Variants in KIAA0825 observed in about 807,000 individuals in gnomAD.
KIAA0825 encodes KIAA0825.
Under a neutral mutation model 147.6 loss-of-function variants are expected in KIAA0825, and 119 were observed. The ratio of observed to expected loss-of-function variants is 0.81; its 90% confidence interval spans 0.69 to 0.94. The LOEUF (loss-of-function observed/expected upper bound fraction) is 0.94. Ranked by LOEUF, KIAA0825 falls within the 40% of genes least tolerant of loss-of-function variation. The probability of loss-of-function intolerance (pLI) is 0.00; values close to 1 mark genes in which losing one functional copy is unlikely to be tolerated. For missense variants in KIAA0825, 1,381 were observed against 1,472.7 expected (o/e 0.94, Z 1.02); for synonymous variants, 470 against 518.1 (o/e 0.91, Z 1.26).
intron 20 of KIAA0825, among the ~76,000 whole-genome samples, chr5:94,356,537 G>A (rs1054152834): frequency 1.2e-4 from 18 of 150,972 alleles, no homozygotes; most frequent in African/African-American, 4.4e-4. Flanking sequence ...GCGTGCACCC[G>A]GGAGGCGGAC....
At chr5:94,520,941 A>C in intron 4 of KIAA0825, 24 bp from the exon 5 acceptor site, 1 of 1,499,756 alleles carries the variant, frequency 6.7e-7, no homozygotes, top group Non-Finnish European at 9.0e-7. Context: ...AACATTAGAA[A>C]TGTGATTAAG....
intron 18 of KIAA0825, among the ~76,000 whole-genome samples, chr5:94,387,020 T>C (rs974676188): frequency 1.3e-5 from 2 of 152,186 alleles, no homozygotes; most frequent in Admixed American, 6.5e-5. Flanking sequence ...TCTACAACAT[T>C]ATACCTCATT....
chr5:94,236,299 T>C lies in KIAA0825; in HGVS notation c.3711-82175A>G, dbSNP rs138276070. 1.5e-3 allele frequency among the ~76,000 whole-genome samples: 230 copies of C among 152,294 alleles called. 1 individual carries two copies. Among genetic ancestry groups the C allele is most frequent in the African/African-American group, 5.2e-3 (217 of 41,562 alleles). ...AAGTTGATTCCAACTCTTTGAGATGTTTAGGACTTCAGTGGAGGAAGTAAC... is the reference window on the plus strand; with the variant it reads ...AAGTTGATTCCAACTCTTTGAGATGCTTAGGACTTCAGTGGAGGAAGTAAC... On this transcript the variant is annotated intron_variant, in intron 20 of 20. Coordinates refer to ENST00000682413, the MANE Select transcript of KIAA0825 (RefSeq NM_001145678.3).
At chr5:94,159,374 ATTG>A (rs1767335468) in intron 20 of KIAA0825, among the ~76,000 whole-genome samples, 2 of 152,248 alleles carry the variant, frequency 1.3e-5, no homozygotes, top group African/African-American at 4.8e-5. Flanking sequence ...ATCTCAATGC[ATTG>A]TTGTAAATAG....
At chr5:94,289,925 A>T (rs1278148798) in intron 20 of KIAA0825, among the ~76,000 whole-genome samples, 1 of 136,402 alleles carries the variant, frequency 7.3e-6, no homozygotes, top group African/African-American at 2.8e-5. Context: ...TGTGTGCTGT[A>T]AAAAAAAAAA....
intron 20 of KIAA0825, among the ~76,000 whole-genome samples, chr5:94,178,389 A>C (rs1458562058): frequency 1.3e-5 from 2 of 151,888 alleles, no homozygotes; most frequent in Admixed American, 6.6e-5. Context: ...TTTTAATGAG[A>C]GTTCTGGCTT....
chr5:94,573,306 T>C (rs1780337855), intron 2 of KIAA0825, among the ~76,000 whole-genome samples: 2 of 145,526 alleles, frequency 1.4e-5, no homozygotes, highest in Non-Finnish European at 3.0e-5. Context: ...AGTCTCACTC[T>C]GTCATCCAGG....
chr5:94,565,359 T>C (rs1304182042), intron 2 of KIAA0825, among the ~76,000 whole-genome samples: 1 of 151,420 alleles, frequency 6.6e-6, no homozygotes, highest in African/African-American at 2.4e-5. Context: ...TTTTTTTTTT[T>C]TGAGACAGAA....
At chr5:94,518,963 A>G (rs1273379442) in intron 5 of KIAA0825, among the ~76,000 whole-genome samples, 2 of 151,882 alleles carry the variant, frequency 1.3e-5, no homozygotes, top group Non-Finnish European at 2.9e-5. Flanking sequence ...TTTTTTTTTC[A>G]GAGAATATAA....
intron 19 of KIAA0825, 100 bp from the exon 20 acceptor site, chr5:94,384,558 G>T: frequency 1.1e-6 from 1 of 910,776 alleles, no homozygotes; most frequent in East Asian, 2.6e-5. Context: ...AACTAAGAAG[G>T]AGGGGGGTCC....
At chr5:94,281,903 T>C (rs1170542457) in intron 20 of KIAA0825, among the ~76,000 whole-genome samples, 1 of 152,078 alleles carries the variant, frequency 6.6e-6, no homozygotes, top group Non-Finnish European at 1.5e-5. Context: ...ACCTCTTATC[T>C]TGTTCCATGT....
intron 20 of KIAA0825, among the ~76,000 whole-genome samples, chr5:94,343,904 T>C (rs1365317969): frequency 6.6e-6 from 1 of 152,136 alleles, no homozygotes; most frequent in Non-Finnish European, 1.5e-5. Context: ...TCAATAAATA[T>C]GTAAAAACAA....
intron 3 of KIAA0825, among the ~76,000 whole-genome samples, chr5:94,525,297 T>A (rs931069929): frequency 6.6e-6 from 1 of 151,926 alleles, no homozygotes; most frequent in Non-Finnish European, 1.5e-5. Context: ...CGAAAGACTC[T>A]TTGAAATTCA....
At chr5:94,410,696 T>A (rs1752640363) in intron 15 of KIAA0825, among the ~76,000 whole-genome samples, 1 of 152,148 alleles carries the variant, frequency 6.6e-6, no homozygotes. Context: ...TGAACATCTT[T>A]ACAGTGCTAA....
intron 2 of KIAA0825, among the ~76,000 whole-genome samples, chr5:94,553,492 A>C (rs979984541): frequency 2.0e-5 from 3 of 151,386 alleles, no homozygotes; most frequent in Non-Finnish European, 4.4e-5. Flanking sequence ...GGCTGGGCGC[A>C]GTGGCTCATG....
chr5:94,588,324 A>C (rs1033556060), intron 1 of KIAA0825, among the ~76,000 whole-genome samples: 8 of 152,324 alleles, frequency 5.3e-5, no homozygotes, highest in African/African-American at 1.9e-4. Context: ...AGAATCTACA[A>C]AGAACTTAAA....
chr5:94,396,552 G>C (rs1041982492), intron 16 of KIAA0825, 43 bp from the exon 17 acceptor site: 9 of 1,423,236 alleles, frequency 6.3e-6, no homozygotes, highest in Non-Finnish European at 8.4e-6. Context: ...TAGCATTTGC[G>C]TTCAATCACT....
At chr5:94,533,640 T>C (rs1158559164) in intron 3 of KIAA0825, among the ~76,000 whole-genome samples, 1 of 152,220 alleles carries the variant, frequency 6.6e-6, no homozygotes, top group Admixed American at 6.5e-5. Flanking sequence ...AACTAATAAG[T>C]ACCACTCAGT....
rs1241575448 is a variant in KIAA0825, at chr5:94,470,205, A to G, written c.1722-94T>C. ...TACTACAAATGGTTTTGATTATTAGATATCAATCATTCATTTCCTCTTAAT... is the reference window on the plus strand; with the variant it reads ...TACTACAAATGGTTTTGATTATTAGGTATCAATCATTCATTTCCTCTTAAT... On this transcript the variant is annotated intron_variant, in intron 9 of 20. Coordinates refer to ENST00000682413, the MANE Select transcript of KIAA0825 (RefSeq NM_001145678.3). The G allele has an allele frequency of 5.1e-6, 4 of 783,894 alleles. No individual in the cohort carries two copies. In the African/African-American group the frequency reaches 7.2e-5, roughly 14 times the overall value. The allele number at this position is 783,894 out of a possible 1,614,324, so 48.6% of individuals were successfully genotyped here. A position where few individuals can be genotyped will look rare whatever the true frequency, so the allele number is the denominator to read the frequency against.
Sources: allele counts gnomAD v4.1 joint callset (sites outside exome capture counted in the v4.1 genomes callset), GRCh38; gene constraint gnomAD v4.1.1; transcripts MANE v1.5; gene names NCBI Gene and HGNC (gene_info 2026-07-23, HGNC 2026-07-21).